COL3A1: variants seen among roughly 807,000 people sequenced by gnomAD.
The protein encoded by COL3A1 is collagen type III alpha 1 chain, also known as collagen alpha-1(III) chain.
COL3A1 carries 46 observed loss-of-function variants against 200.9 expected under a neutral mutation model. The ratio of observed to expected loss-of-function variants is 0.23; its 90% CI spans 0.18 to 0.29. The LOEUF is 0.29. COL3A1 is among the 10% of genes least tolerant of loss of function. The pLI is 1.00. For missense variants in COL3A1, 1,367 were observed against 1,917.6 expected, an observed-to-expected ratio of 0.71 and a Z score of 5.36; for synonymous variants, 650 against 628.0, an observed-to-expected ratio of 1.03 and a Z score of -0.52.
rs2153502430 is a variant in COL3A1 at position 188,994,714 on chromosome 2, T to G, written c.1348-10T>G. 6.2e-7 allele frequency: 1 copy of G among 1,613,432 alleles called. No individual in the cohort carries two copies. Among genetic ancestry groups the G allele is most frequent in the Non-Finnish European group, 8.5e-7 (1 of 1,179,756 alleles). On this transcript the variant is annotated splice_polypyrimidine_tract_variant and intron_variant, in intron 19 of 50. Coordinates refer to ENST00000304636, the MANE Select transcript of COL3A1 (RefSeq NM_000090.4). This position sits in a 1 kb window ranked among gnomAD's most constrained non-coding sequence, Gnocchi z 4.5. ...AATTTCTTTATTTTACCATCTTTTT[T>G]TTTTTTCAGGGTGAGGCTGGTATTC...
chr2:188,997,124 G>T (rs1463151198), intron 24 of COL3A1, 41 bp from the exon 25 acceptor site: 1 of 1,565,530 alleles, frequency 6.4e-7, no homozygotes, highest in Admixed American at 1.7e-5. Context: ...ATTAGTTATT[G>T]CCCTTTGAGG....
At position 189,004,076 on chromosome 2, in the gene COL3A1, T is replaced by C. The variant is rs1426365127; in HGVS notation, c.2756T>C (p.Val919Ala). Residue 919 changes from valine to alanine, a missense_variant, in exon 39 of 51, where the codon GTG (valine) becomes GCG (alanine). By Grantham distance (64) the Val-to-Ala change is moderately conservative. Coordinates refer to ENST00000304636, the MANE Select transcript of COL3A1 (RefSeq NM_000090.4). ...GNTGAPGSPG[V>A]SGPKGDAGQP... ...ACTGGTGCTCCTGGCAGCCCTGGAG[T>C]GTCTGGACCAAAAGGTGATGCTGGC... 3.7e-6 allele frequency: 6 copies of C among 1,613,192 alleles called. No homozygotes were observed. Among genetic ancestry groups the C allele is most frequent in the Non-Finnish European group, 5.1e-6 (6 of 1,179,926 alleles).
chr2:189,000,817 A>G (rs988562204), intron 32 of COL3A1, among the ~76,000 whole-genome samples: 1 of 152,176 alleles, frequency 6.6e-6, no homozygotes, highest in Non-Finnish European at 1.5e-5. Flanking sequence ...CAAAAACAAA[A>G]CAAAAAACAT....
In COL3A1 at chr2:188,985,673, T is replaced by C; in HGVS notation, c.342T>C (p.Pro114=). ...TTTTATCTCTTTTTTAGGGCCCTCCTGGTATTCCTGGGAGAAATGGTGACC... is the reference window on the plus strand; with the variant it reads ...TTTTATCTCTTTTTTAGGGCCCTCCCGGTATTCCTGGGAGAAATGGTGACC... The part of the protein sequence containing the change: ...PQGPKGDPGP[P]GIPGRNGDPG... The change falls in exon 4 of 51, where the codon CCT becomes CCC. Residue 114 remains proline (P), a synonymous_variant. Transcript: ENST00000304636. 1 of 1,607,548 alleles carries C rather than the reference T, an allele frequency of 6.2e-7. No individual in the cohort carries two copies. The highest frequency in any genetic ancestry group is 8.5e-7 in the Non-Finnish European group (1 of 1,176,224).
Position 189,012,533 on chromosome 2 carries a change from T to G in COL3A1, c.*759T>G, listed in dbSNP as rs1286153604. On this transcript the variant is annotated 3_prime_UTR_variant, in exon 51 of 51. Coordinates refer to ENST00000304636, the MANE Select transcript of COL3A1 (RefSeq NM_000090.4). ...ATTCAGAACATAAATGCACAAAATC[T>G]GTACATGTCTCCCATCAGAAAGATT... The G allele has an allele frequency of 6.6e-6, 1 of 152,176 alleles. No individual in the cohort carries two copies. The highest frequency in any genetic ancestry group is 2.4e-5 in the African/African-American group (1 of 41,210). 9.4% of individuals were successfully genotyped at this position (152,176 alleles called of 1,614,324 possible).
chr2:189,006,276 T>C lies in COL3A1; in HGVS notation c.3093+17T>C. 1 of 1,614,048 alleles carries C rather than the reference T, an allele frequency of 6.2e-7. No homozygotes were observed. Among genetic ancestry groups the C allele is most frequent in the Non-Finnish European group, 8.5e-7 (1 of 1,179,916 alleles). ...GGTGGCAAGGTATAATAAACACATG[T>C]GCAATTGATTTGTGTTATCAAAATA... On this transcript the variant is annotated intron_variant, in intron 42 of 50. Transcript: ENST00000304636.
Position 188,984,666 on chromosome 2 carries a change from A to C in COL3A1, c.80-94A>C, listed in dbSNP as rs563212829. ...GAAATTATTTGTTTCAAACCTTTTC[A>C]ACTTTGGCTATTGTTAATAGTCCTA... On this transcript the variant is annotated intron_variant, in intron 1 of 50. Transcript: ENST00000304636. 2.6e-5 allele frequency: 28 copies of C among 1,077,528 alleles called. No individual in the cohort carries two copies. In the Admixed American group the frequency reaches 4.9e-4, roughly 19 times the overall value. The allele number at this position is 1,077,528 out of a possible 1,614,324, so 66.7% of individuals were successfully genotyped here.
intron 1 of COL3A1, among the ~76,000 whole-genome samples, chr2:188,981,223 T>C (rs1192203397): frequency 6.6e-6 from 1 of 151,542 alleles, no homozygotes; most frequent in Non-Finnish European, 1.5e-5. Flanking sequence ...GCTTTATTTT[T>C]CTCTAAAATT....
At position 189,011,862 on chromosome 2, in the gene COL3A1, C is replaced by T. The variant is rs11162; in HGVS notation, c.*88C>T. Reference sequence around the variant, plus strand: ...AATCTTGTCAACCAGTGCAAGTGACCGACAAAATTCCAGTTATTTATTTCC... The same window carrying T: ...AATCTTGTCAACCAGTGCAAGTGACTGACAAAATTCCAGTTATTTATTTCC... On this transcript the variant is annotated 3_prime_UTR_variant, in exon 51 of 51. Coordinates refer to ENST00000304636, the MANE Select transcript of COL3A1 (RefSeq NM_000090.4). 1.5e-3 allele frequency: 2,077 copies of T among 1,412,562 alleles called. 22 individuals carry two copies. In the African/African-American group the frequency reaches 0.024, roughly 16 times the overall value. The allele number at this position is 1,412,562 out of a possible 1,614,324, so 87.5% of individuals were successfully genotyped here. A position where few individuals can be genotyped will look rare whatever the true frequency, so the allele number is the denominator to read the frequency against.
chr2:188,988,197 T>C, intron 6 of COL3A1, 63 bp downstream of exon 6: 26 of 1,402,830 alleles, frequency 1.9e-5, no homozygotes, highest in Non-Finnish European at 2.6e-5. Flanking sequence ...TAATATATAT[T>C]CTGCTATAAT....
chr2:188,974,765 A>G (rs983445602), intron 1 of COL3A1, among the ~76,000 whole-genome samples, 197 bp downstream of exon 1: 3 of 152,160 alleles, frequency 2.0e-5, no homozygotes, highest in Non-Finnish European at 4.4e-5. Flanking sequence ...TGTGTTTTTA[A>G]GAGTTCTGTG....
chr2:189,008,513 T>G, intron 47 of COL3A1: 2 of 393,890 alleles, frequency 5.1e-6, no homozygotes, highest in Non-Finnish European at 9.4e-6. Flanking sequence ...GTTACTATTT[T>G]GTTAATGATA....
chr2:188,999,749 T>C, intron 31 of COL3A1, 93 bp from the exon 32 acceptor site: 1 of 1,399,658 alleles, frequency 7.1e-7, no homozygotes, highest in Non-Finnish European at 9.9e-7. Context: ...ACACCCAATA[T>C]ATATCCCTAC....
In COL3A1 at chr2:189,011,641, A is replaced by G. The variant is rs1163703615; in HGVS notation, c.4268A>G (p.Glu1423Gly). Residue 1423 changes from glutamate (E) to glycine (G), a missense_variant, in exon 51 of 51, where the codon GAA becomes GGA. Coordinates refer to ENST00000304636, the MANE Select transcript of COL3A1 (RefSeq NM_000090.4). Reference protein sequence around the residue: ...LEDGCTKHTGEWSKTVFEYRT... With the variant: ...LEDGCTKHTGGWSKTVFEYRT... Reference sequence around the variant, plus strand: ...CCTTTTTTACAGAAACACACTGGGGAATGGAGCAAAACAGTCTTTGAATAT... The same window carrying G: ...CCTTTTTTACAGAAACACACTGGGGGATGGAGCAAAACAGTCTTTGAATAT... The G allele has an allele frequency of 6.2e-7, 1 of 1,613,970 alleles. No homozygotes were observed. The highest frequency in any genetic ancestry group is 8.5e-7 in the Non-Finnish European group (1 of 1,179,880).
At chr2:188,977,002 A>G (rs1301326785) in intron 1 of COL3A1, among the ~76,000 whole-genome samples, 4 of 152,168 alleles carry the variant, frequency 2.6e-5, no homozygotes, top group Non-Finnish European at 4.4e-5. Context: ...TCCTAAGGAA[A>G]TTAGTATGTT....
Position 188,985,697 on chromosome 2 carries a change from C to A in COL3A1, c.366C>A (p.Asp122Glu), listed in dbSNP as rs749038976. ...GPPGIPGRNG[D>E]PGIPGQPGSP... ...CTGGTATTCCTGGGAGAAATGGTGA[C>A]CCTGGTATTCCAGGACAACCAGGGT... is the stretch of plus-strand genomic sequence containing the variant. The change falls in exon 4 of 51, where the codon GAC becomes GAA. Residue 122 changes from aspartate to glutamate, a missense_variant. By Grantham distance (45) the Asp-to-Glu change is conservative (BLOSUM62 2). Around this residue, in one of 5 missense-constraint regions of COL3A1, gnomAD observed 462 missense variants for 681.4 expected, o/e 0.68. Coordinates refer to ENST00000304636, the MANE Select transcript of COL3A1 (RefSeq NM_000090.4). 2 of 1,610,692 alleles carry A rather than the reference C, an allele frequency of 1.2e-6. No individual in the cohort carries two copies. The highest frequency in any genetic ancestry group is 2.2e-5 in the South Asian group (2 of 90,884).
chr2:188,991,256 A>T (rs1688182574), intron 11 of COL3A1, among the ~76,000 whole-genome samples, 199 bp downstream of exon 11: 1 of 152,158 alleles, frequency 6.6e-6, no homozygotes, highest in Non-Finnish European at 1.5e-5. Context: ...TCTAGATTAG[A>T]AATAGTTGAG....
chr2:189,010,818 G>C lies in COL3A1; in HGVS notation c.4182G>C (p.Gly1394=). 1 of 1,614,150 alleles carries C rather than the reference G, an allele frequency of 6.2e-7. No homozygotes were observed. The highest frequency in any genetic ancestry group is 1.1e-5 in the South Asian group (1 of 91,084). The part of the protein sequence containing the change: ...GNVKKALKLM[G]SNEGEFKAEG... The stretch of plus-strand genomic sequence containing the variant: ...TAAAGAAGGCCCTGAAGCTGATGGG[G>C]TCAAATGAAGGTGAATTCAAGGCTG... The change falls in exon 50 of 51, where the codon GGG becomes GGC. Residue 1394 remains glycine, a synonymous_variant. Coordinates refer to ENST00000304636, the MANE Select transcript of COL3A1 (RefSeq NM_000090.4).
chr2:188,988,226 A>G (rs1688104132), intron 6 of COL3A1, 92 bp downstream of exon 6: 3 of 1,109,512 alleles, frequency 2.7e-6, no homozygotes, highest in East Asian at 4.8e-5. Context: ...TCCAGCATGC[A>G]TAATCCCAGT....
Sources: allele counts gnomAD v4.1 joint callset (sites outside exome capture counted in the v4.1 genomes callset), GRCh38; gene constraint gnomAD v4.1.1; regional missense constraint gnomAD v4.1.1; non-coding constraint Gnocchi (gnomAD v3.1); transcripts MANE v1.5; gene names NCBI Gene and HGNC (gene_info 2026-07-23, HGNC 2026-07-21).